The following LY86 variants were observed in gnomAD, a reference collection of about 807,000 sequenced individuals.
LY86 encodes lymphocyte antigen 86.
In LY86, 20 loss-of-function variants were observed where a neutral mutation model predicts 17.3. The observed-to-expected ratio is 1.15, with a 90% CI of 0.81 to 1.68. The LOEUF (loss-of-function observed/expected upper bound fraction) is 1.68, where lower values mean the gene tolerates loss of function less well. Ranked by LOEUF, LY86 falls within the 40% of genes most tolerant of loss-of-function variation. LY86 has a pLI of 0.00. For missense variants in LY86, 200 were observed against 191.9 expected (o/e 1.04, Z -0.25); for synonymous variants, 74 against 70.6 (o/e 1.05, Z -0.24).
chr6:6,645,474 A>C (rs1056618094), intron 3 of LY86, among the ~76,000 whole-genome samples: 1 of 152,070 alleles, frequency 6.6e-6, no homozygotes, highest in Non-Finnish European at 1.5e-5. Context: ...ATTGCCCAAC[A>C]TCACTTAGCT....
chr6:6,589,445 T>C (rs1476447695), intron 1 of LY86, among the ~76,000 whole-genome samples: 4 of 152,178 alleles, frequency 2.6e-5, no homozygotes, highest in Non-Finnish European at 5.9e-5. Flanking sequence ...TAAAAGTGCA[T>C]ATGCCAGGCC....
chr6:6,650,146 A>T (rs1405960325), intron 4 of LY86, among the ~76,000 whole-genome samples: 1 of 152,158 alleles, frequency 6.6e-6, no homozygotes, highest in Admixed American at 6.5e-5. Flanking sequence ...CTGTCCTTTC[A>T]TTGTTACTCA....
intron 1 of LY86, among the ~76,000 whole-genome samples, chr6:6,605,896 T>C (rs537584534): frequency 4.0e-5 from 6 of 151,738 alleles, no homozygotes; most frequent in African/African-American, 1.5e-4. Flanking sequence ...GGGTTCTTAG[T>C]CTCGCTGGCT....
chr6:6,606,872 C>G (rs1047805777), intron 1 of LY86, among the ~76,000 whole-genome samples: 1 of 152,272 alleles, frequency 6.6e-6, no homozygotes, highest in African/African-American at 2.4e-5. Context: ...AAGGGGCTCC[C>G]ACAGTGCAAC....
chr6:6,609,073 A>C (rs1354806050), intron 1 of LY86, among the ~76,000 whole-genome samples: 1 of 152,210 alleles, frequency 6.6e-6, no homozygotes, highest in Non-Finnish European at 1.5e-5. Flanking sequence ...GACCAAGCCA[A>C]CCGCAGCTCT....
chr6:6,601,330 C>A lies in LY86; in HGVS notation c.136+12460C>A, dbSNP rs59213033. On this transcript the variant is annotated intron_variant, in intron 1 of 4. Transcript: ENST00000230568. ...AGTCATCCCCTACATCTCAACCATG[C>A]CAGAAGATGGAAAGTGAGGGTCAAA... Among the ~76,000 whole-genome samples the A allele has an allele frequency of 1.9e-3, 285 of 152,180 alleles. 2 individuals carry two copies. The highest frequency in any genetic ancestry group is 6.6e-3 in the African/African-American group (272 of 41,502).
chr6:6,626,479 T>G, intron 3 of LY86, 58 bp downstream of exon 3: 1 of 1,599,010 alleles, frequency 6.3e-7, no homozygotes. Flanking sequence ...AAACTCGAAC[T>G]TGCATCTGAG....
rs1761757632 is a variant in LY86, at chr6:6,624,920, T to C, written c.137-6T>C. The C allele has an allele frequency of 2.1e-6, 3 of 1,452,478 alleles. No homozygotes were observed. The highest frequency in any genetic ancestry group is 2.9e-6 in the Non-Finnish European group (3 of 1,044,666). 90.0% of individuals were successfully genotyped at this position (1,452,478 alleles called of 1,614,324 possible). On this transcript the variant is annotated splice_region_variant and splice_polypyrimidine_tract_variant and intron_variant, in intron 1 of 4. Coordinates refer to ENST00000230568, the MANE Select transcript of LY86 (RefSeq NM_004271.4). ...CGCAACTAATCTATTGTTTTCTTCT[T>C]CGTAGATCCATTACAAGATTTTGGC...
chr6:6,612,240 A>G (rs776331337), intron 1 of LY86, among the ~76,000 whole-genome samples: 92 of 152,286 alleles, frequency 6.0e-4, no homozygotes, highest in East Asian at 3.9e-4. Context: ...GGGCGTGTCC[A>G]GAGTTTATTC....
At chr6:6,604,363 G>T in intron 1 of LY86, among the ~76,000 whole-genome samples, 1 of 151,762 alleles carries the variant, frequency 6.6e-6, no homozygotes, top group East Asian at 1.9e-4. Context: ...CAAAACATGA[G>T]AAAAAAATAG....
At chr6:6,612,444 T>TG (rs1761394785) in intron 1 of LY86, among the ~76,000 whole-genome samples, 1 of 152,188 alleles carries the variant, frequency 6.6e-6, no homozygotes, top group African/African-American at 2.4e-5. Context: ...CAAACCTTCA[T>TG]GGGGAGTGTT....
intron 1 of LY86, among the ~76,000 whole-genome samples, chr6:6,613,293 T>C (rs1761444964): frequency 6.6e-6 from 1 of 152,238 alleles, no homozygotes; most frequent in African/African-American, 2.4e-5. Flanking sequence ...TCAGCCCTTG[T>C]GCAGTCTAGG....
At chr6:6,591,748 C>T (rs1330562538) in intron 1 of LY86, among the ~76,000 whole-genome samples, 3 of 152,184 alleles carry the variant, frequency 2.0e-5, no homozygotes, top group Non-Finnish European at 4.4e-5. Flanking sequence ...ACAAATTGAT[C>T]CCCAGCCTGC....
At chr6:6,595,898 T>C (rs972502989) in intron 1 of LY86, among the ~76,000 whole-genome samples, 3 of 152,158 alleles carry the variant, frequency 2.0e-5, no homozygotes, top group African/African-American at 7.2e-5. Context: ...TGGAGGGCTG[T>C]GGGTGGTCCC....
At chr6:6,630,719 T>C (rs1390833703) in intron 3 of LY86, among the ~76,000 whole-genome samples, 1 of 152,156 alleles carries the variant, frequency 6.6e-6, no homozygotes, top group East Asian at 1.9e-4. Flanking sequence ...GTTACCCCAG[T>C]GGGTCTCCAT....
chr6:6,612,665 AGCTGATTGGTCCGTTTTGACAGGGT>A (rs1383656354), intron 1 of LY86, among the ~76,000 whole-genome samples: 3 of 152,182 alleles, frequency 2.0e-5, no homozygotes, highest in African/African-American at 7.2e-5. Context: ...TCTTACAGAG[AGCTGATTGGTCCGTTTTGACAGGGT>A]GCTGATTGGT....
At chr6:6,646,980 C>T (rs1364585420) in intron 3 of LY86, among the ~76,000 whole-genome samples, 4 of 140,776 alleles carry the variant, frequency 2.8e-5, no homozygotes, top group Non-Finnish European at 6.2e-5. Flanking sequence ...AGATTTCTTC[C>T]CCACTGTCCA....
In LY86 at chr6:6,612,342, C is replaced by T. The variant is rs555715428; in HGVS notation, c.137-12584C>T. Among the ~76,000 whole-genome samples, 195 of 152,332 alleles carry T rather than the reference C, an allele frequency of 1.3e-3. 1 individual carries two copies. The highest frequency in any genetic ancestry group is 4.5e-3 in the African/African-American group (188 of 41,568). ...TGAAACTGCAGACCCTCGCAGTAAGCATTACACTTCTTAAGGTGATACATT... is the reference window on the plus strand; with the variant it reads ...TGAAACTGCAGACCCTCGCAGTAAGTATTACACTTCTTAAGGTGATACATT... On this transcript the variant is annotated intron_variant, in intron 1 of 4. Transcript: ENST00000230568.
chr6:6,632,980 G>A (rs1413947480), intron 3 of LY86, among the ~76,000 whole-genome samples: 2 of 152,170 alleles, frequency 1.3e-5, no homozygotes, highest in African/African-American at 4.8e-5. Flanking sequence ...GTCTCTTTCA[G>A]TCTCTGATTT....
Sources: allele counts gnomAD v4.1 joint callset (sites outside exome capture counted in the v4.1 genomes callset), GRCh38; gene constraint gnomAD v4.1.1; transcripts MANE v1.5; gene names NCBI Gene and HGNC (gene_info 2026-07-23, HGNC 2026-07-21).